PARP8: variants seen among roughly 807,000 people sequenced by gnomAD.
PARP8 encodes protein mono-ADP-ribosyltransferase PARP8.
PARP8 carries 51 observed loss-of-function variants against 124.1 expected under a neutral mutation model. That is an observed-to-expected ratio of 0.41 (90% CI 0.33 to 0.52). PARP8 has a LOEUF of 0.52. Among genes scored for constraint, PARP8 ranks in the 20% least tolerant of loss-of-function variants. PARP8 has a pLI of 0.21. For missense variants in PARP8, 860 were observed against 1,018.9 expected (o/e 0.84, Z 2.12); for synonymous variants, 391 against 361.5 (o/e 1.08, Z -0.93).
intron 7 of PARP8, among the ~76,000 whole-genome samples, chr5:50,766,049 A>G (rs528378876): frequency 1.8e-4 from 27 of 152,304 alleles, no homozygotes; most frequent in Non-Finnish European, 3.4e-4. Context: ...TCTGTAAGAG[A>G]TGGAAGTAAC....
chr5:50,769,278 AT>A (rs71612380), intron 7 of PARP8, among the ~76,000 whole-genome samples: 10,798 of 147,602 alleles, frequency 0.073, 432 homozygotes, highest in Middle Eastern at 0.11. Context: ...GGTCGTACTG[AT>A]TTTTTTTTTT....
intron 9 of PARP8, among the ~76,000 whole-genome samples, chr5:50,788,314 G>A (rs554119339): frequency 1.6e-4 from 24 of 147,606 alleles, no homozygotes; most frequent in Middle Eastern, 7.1e-3. Context: ...ACAATATAAT[G>A]TATAATATAT....
chr5:50,796,829 AG>A (rs1186875484), intron 12 of PARP8, among the ~76,000 whole-genome samples, 152 bp from the exon 13 acceptor site: 1 of 152,198 alleles, frequency 6.6e-6, no homozygotes, highest in Non-Finnish European at 1.5e-5. Flanking sequence ...TGAATAAAAA[AG>A]TTTTTAATTT....
intron 15 of PARP8, 21 bp from the exon 16 acceptor site, chr5:50,821,192 A>G (rs757235418): frequency 2.5e-6 from 4 of 1,613,726 alleles, no homozygotes; most frequent in East Asian, 2.2e-5. Context: ...GGTAGTAACT[A>G]TCTTATGTGT....
At chr5:50,775,364 G>A (rs1022051882) in intron 7 of PARP8, among the ~76,000 whole-genome samples, 5 of 152,192 alleles carry the variant, frequency 3.3e-5, no homozygotes, top group African/African-American at 9.7e-5. Flanking sequence ...AGACCAGCCC[G>A]GCCAACACGG....
intron 15 of PARP8, among the ~76,000 whole-genome samples, chr5:50,817,662 T>A (rs1253158540): frequency 2.0e-5 from 3 of 152,244 alleles, no homozygotes. Context: ...ATCTAAGATT[T>A]TTTTTAAATT....
chr5:50,765,432 A>C (rs1760966710), intron 7 of PARP8, among the ~76,000 whole-genome samples: 1 of 152,174 alleles, frequency 6.6e-6, no homozygotes, highest in Admixed American at 6.5e-5. Flanking sequence ...GCATTTGTTA[A>C]GTACCTATGA....
intron 2 of PARP8, among the ~76,000 whole-genome samples, chr5:50,671,912 T>C (rs1342781816): frequency 6.6e-6 from 1 of 152,210 alleles, no homozygotes; most frequent in African/African-American, 2.4e-5. Flanking sequence ...GGACACTCTT[T>C]TGTGTGGTCA....
At chr5:50,798,721 C>T (rs896617020) in intron 14 of PARP8, among the ~76,000 whole-genome samples, 2 of 152,144 alleles carry the variant, frequency 1.3e-5, no homozygotes, top group African/African-American at 4.8e-5. Flanking sequence ...CGCGCCTGGC[C>T]TGAGCCACCG....
chr5:50,705,104 A>G (rs1753998902), intron 2 of PARP8, among the ~76,000 whole-genome samples: 2 of 152,222 alleles, frequency 1.3e-5, no homozygotes, highest in Admixed American at 1.3e-4. Context: ...TTGAAATTTT[A>G]AAAGTAAGTA....
At chr5:50,801,550 T>C (rs1158748413) in intron 14 of PARP8, among the ~76,000 whole-genome samples, 3 of 152,226 alleles carry the variant, frequency 2.0e-5, no homozygotes, top group Non-Finnish European at 4.4e-5. Context: ...GTGATACTCT[T>C]TGTTTCATTC....
At chr5:50,699,212 G>C (rs1230471533) in intron 2 of PARP8, among the ~76,000 whole-genome samples, 1 of 152,124 alleles carries the variant, frequency 6.6e-6, no homozygotes, top group Non-Finnish European at 1.5e-5. Flanking sequence ...TTGAGTAAGT[G>C]TGTGTTAAAT....
At chr5:50,809,678 T>C (rs537354785) in intron 14 of PARP8, among the ~76,000 whole-genome samples, 3 of 152,154 alleles carry the variant, frequency 2.0e-5, no homozygotes, top group African/African-American at 4.8e-5. Flanking sequence ...GCTGTACACA[T>C]GTGCTCCAAC....
intron 2 of PARP8, among the ~76,000 whole-genome samples, chr5:50,715,356 T>C (rs757018547): frequency 6.6e-6 from 1 of 152,112 alleles, no homozygotes; most frequent in Non-Finnish European, 1.5e-5. Context: ...GATAAGTTCC[T>C]ATGAATTCAC....
intron 2 of PARP8, among the ~76,000 whole-genome samples, chr5:50,689,195 CTG>C (rs1752229213): frequency 6.6e-6 from 1 of 152,056 alleles, no homozygotes; most frequent in African/African-American, 2.4e-5. Flanking sequence ...AAACTGTAAA[CTG>C]TGTTCTCTGT....
chr5:50,729,521 A>T (rs1400739445), intron 2 of PARP8, among the ~76,000 whole-genome samples: 1 of 152,158 alleles, frequency 6.6e-6, no homozygotes, highest in Non-Finnish European at 1.5e-5. Context: ...CTGAGCCTTA[A>T]TATTCTTGCG....
rs1213848400 is a variant in PARP8, at chr5:50,690,007, TC to T, written c.146+21885del. Among the ~76,000 whole-genome samples the T allele has an allele frequency of 8.5e-5, 13 of 152,276 alleles. 1 individual carries two copies. The East Asian group carries it at 2.5e-3, about 29-fold the overall frequency. ...CATCCATCTATTTCTGTTCTCTCAT[TC>T]CCTTGCTCTTCTACTTCTCTGTGAA... On this transcript the variant is annotated intron_variant, in intron 2 of 25. Coordinates refer to ENST00000281631, the MANE Select transcript of PARP8 (RefSeq NM_024615.4).
At chr5:50,834,149 A>G (rs2149722176) in intron 24 of PARP8, 101 bp downstream of exon 24, 1 of 945,938 alleles carries the variant, frequency 1.1e-6, no homozygotes, top group Non-Finnish European at 1.6e-6. Context: ...GAATAGGGAA[A>G]GCATTATTCC....
intron 19 of PARP8, among the ~76,000 whole-genome samples, 199 bp downstream of exon 19, chr5:50,827,002 T>C (rs1476990346): frequency 1.3e-5 from 2 of 152,148 alleles, no homozygotes; most frequent in Non-Finnish European, 2.9e-5. Context: ...AAATTCAGTC[T>C]GCTGTCCTGA....
Sources: gnomAD v4.1 joint callset for allele counts (sites outside exome capture counted in the v4.1 genomes callset) on GRCh38, gnomAD v4.1.1 for gene constraint, MANE v1.5 for transcripts, NCBI Gene and HGNC (gene_info 2026-07-23, HGNC 2026-07-21) for gene names.